Variants in CTNNA3 observed in about 807,000 individuals in gnomAD.
CTNNA3 encodes catenin alpha 3, also known as catenin alpha-3.
CTNNA3 carries 76 observed loss-of-function variants against 95.7 expected under a neutral mutation model. The ratio of observed to expected loss-of-function variants is 0.79; its 90% CI spans 0.66 to 0.96. CTNNA3 has a LOEUF of 0.96. Ranked by LOEUF, CTNNA3 falls within the 40% of genes least tolerant of loss-of-function variation. The pLI is 0.00. For missense variants in CTNNA3, 1,191 were observed against 1,089.8 expected, an observed-to-expected ratio of 1.09 and a Z score of -1.31; for synonymous variants, 431 against 374.4, an observed-to-expected ratio of 1.15 and a Z score of -1.74.
rs1564558010 is a variant in CTNNA3, at chr10:66,597,543, TATATATATA to T, written c.1374+24140_1374+24148del. On this transcript the variant is annotated intron_variant, in intron 10 of 17. Coordinates refer to ENST00000433211, the MANE Select transcript of CTNNA3 (RefSeq NM_013266.4). ...ATATATATATATATATATATATATA[TATATATATA>T]TATTTATTAAAAATTTTAAAAATAA... 2.2e-3 allele frequency among the ~76,000 whole-genome samples: 291 copies of T among 130,230 alleles called. 5 individuals are homozygous for T. Among genetic ancestry groups the T allele is most frequent in the Admixed American group, 0.016 (218 of 13,332 alleles). The allele number at this position is 130,230 out of a possible 152,430, so 85.4% of individuals were successfully genotyped here.
chr10:66,415,904 C>T (rs72806801), intron 11 of CTNNA3, among the ~76,000 whole-genome samples: 7,540 of 152,048 alleles, frequency 0.05, 261 homozygotes, highest in East Asian at 0.11. Flanking sequence ...ATGAGATGCA[C>T]GGATATCAAT....
At chr10:67,487,041 T>C (rs935766828) in intron 5 of CTNNA3, among the ~76,000 whole-genome samples, 5 of 152,170 alleles carry the variant, frequency 3.3e-5, no homozygotes, top group African/African-American at 1.2e-4. Context: ...CCAGCCATGA[T>C]GAGGCCCCAT....
intron 9 of CTNNA3, among the ~76,000 whole-genome samples, chr10:66,719,205 C>T (rs1026562333): frequency 6.6e-6 from 1 of 152,092 alleles, no homozygotes; most frequent in African/African-American, 2.4e-5. Flanking sequence ...GGTCTGCCTT[C>T]TTGATCAGAT....
intron 12 of CTNNA3, among the ~76,000 whole-genome samples, chr10:66,346,242 TATATAGAGAGAGAGAG>T (rs1306616903): frequency 6.7e-3 from 59 of 8,842 alleles, no homozygotes; most frequent in Middle Eastern, 0.056. Flanking sequence ...TATATATATA[TATATAGAGAGAGAGAG>T]AGAGAGAGAG....
At chr10:67,053,504 A>G (rs1855240141) in intron 7 of CTNNA3, among the ~76,000 whole-genome samples, 1 of 152,160 alleles carries the variant, frequency 6.6e-6, no homozygotes, top group African/African-American at 2.4e-5. Flanking sequence ...CTATATGCAT[A>G]TCATTTGAAG....
chr10:66,571,334 A>G (rs1300946445), intron 10 of CTNNA3, among the ~76,000 whole-genome samples: 2 of 152,232 alleles, frequency 1.3e-5, no homozygotes, highest in Non-Finnish European at 2.9e-5. Context: ...AGATTAAAAA[A>G]TAGCATTACA....
At chr10:66,853,774 T>C (rs902177457) in intron 7 of CTNNA3, among the ~76,000 whole-genome samples, 2 of 152,120 alleles carry the variant, frequency 1.3e-5, no homozygotes, top group South Asian at 4.1e-4. Flanking sequence ...TATTTTTCTC[T>C]CTGCTTTGCT....
intron 1 of CTNNA3, among the ~76,000 whole-genome samples, chr10:67,725,359 T>C (rs1841203305): frequency 6.6e-6 from 1 of 152,014 alleles, no homozygotes; most frequent in Non-Finnish European, 1.5e-5. Flanking sequence ...TTGTATTTTT[T>C]AGTAGAGACA....
chr10:66,102,207 TTAAC>T, intron 14 of CTNNA3, among the ~76,000 whole-genome samples: 1 of 152,248 alleles, frequency 6.6e-6, no homozygotes, highest in Non-Finnish European at 1.5e-5. Context: ...GTCACCGAAT[TTAAC>T]TAACTTAATA....
At chr10:67,054,847 G>C (rs887761218) in intron 7 of CTNNA3, 1 of 151,996 alleles carries the variant, frequency 6.6e-6, no homozygotes, top group African/African-American at 2.4e-5. Flanking sequence ...GTGAGGTAGG[G>C]AGTCCAACAC....
intron 5 of CTNNA3, among the ~76,000 whole-genome samples, chr10:67,497,040 G>A (rs138602758): frequency 8.3e-4 from 126 of 152,054 alleles, no homozygotes; most frequent in Non-Finnish European, 1.7e-3. Context: ...CCTTCAACCC[G>A]TCATCTACAT....
intron 15 of CTNNA3, among the ~76,000 whole-genome samples, chr10:66,022,885 CT>C (rs1368400344): frequency 6.6e-6 from 1 of 152,136 alleles, no homozygotes; most frequent in Non-Finnish European, 1.5e-5. Context: ...CCAATTTATC[CT>C]ATGCCATTCA....
chr10:66,547,347 C>CTTTTTTTTTTTTTTTTT (rs1296263060), intron 10 of CTNNA3, among the ~76,000 whole-genome samples: 3 of 109,272 alleles, frequency 2.7e-5, no homozygotes, highest in African/African-American at 3.5e-5. Flanking sequence ...TTCTTTCTTT[C>CTTTTTTTTTTTTTTTTT]TTTTTTTTTT....
chr10:66,667,793 A>G lies in CTNNA3; in HGVS notation c.1282-46009T>C, dbSNP rs566844107. Among the ~76,000 whole-genome samples the G allele has an allele frequency of 6.6e-5, 10 of 152,004 alleles. No homozygotes were observed. In the South Asian group the frequency reaches 1.9e-3, roughly 28 times the overall value. ...CTTCCCAGCACAGCTTAAATATTCT[A>G]TTGACTGCATTTCTCCCTATAACAG... is the stretch of plus-strand genomic sequence containing the variant. On this transcript the variant is annotated intron_variant, in intron 9 of 17. Transcript: ENST00000433211.
At chr10:67,015,036 A>C (rs1226670065) in intron 7 of CTNNA3, among the ~76,000 whole-genome samples, 1 of 152,098 alleles carries the variant, frequency 6.6e-6, no homozygotes, top group Non-Finnish European at 1.5e-5. Flanking sequence ...CTACAAGGGC[A>C]CTCCAAAGTT....
chr10:67,236,527 G>T (rs555514789), intron 5 of CTNNA3, among the ~76,000 whole-genome samples: 1 of 138,444 alleles, frequency 7.2e-6, no homozygotes, highest in Non-Finnish European at 1.6e-5. Context: ...GGGGGGGGTG[G>T]GGAGGGATAG....
intron 2 of CTNNA3, among the ~76,000 whole-genome samples, chr10:67,609,090 C>CAAAAAAAAAAAAAAAAAAAA (rs397977100): frequency 1.3e-5 from 1 of 79,688 alleles, no homozygotes; most frequent in Non-Finnish European, 2.6e-5. Context: ...AACTCTATCT[C>CAAAAAAAAAAAAAAAAAAAA]AAAAAAAAAA....
intron 1 of CTNNA3, 98 bp from the exon 2 acceptor site, chr10:67,647,616 C>T: frequency 1.1e-6 from 1 of 887,858 alleles, no homozygotes; most frequent in South Asian, 1.6e-5. Context: ...TTGTATTCAG[C>T]ACCTCTTCCT....
At chr10:66,996,649 C>CAAAAAAACAAAAAAAAAAAA (rs1851364782) in intron 7 of CTNNA3, among the ~76,000 whole-genome samples, 1 of 67,644 alleles carries the variant, frequency 1.5e-5, no homozygotes, top group Admixed American at 2.7e-4. Flanking sequence ...TCCGTCTCTA[C>CAAAAAAACAAAAAAAAAAAA]AAAAAAAAAA....
Sources: allele counts gnomAD v4.1 joint callset (sites outside exome capture counted in the v4.1 genomes callset), GRCh38; gene constraint gnomAD v4.1.1; transcripts MANE v1.5; gene names NCBI Gene and HGNC (gene_info 2026-07-23, HGNC 2026-07-21).